Variants in R3HDM1 observed in about 807,000 individuals in gnomAD.
R3HDM1 encodes R3H domain containing 1.
In R3HDM1, 46 loss-of-function variants were observed where a neutral mutation model predicts 141.1. That is an observed-to-expected ratio of 0.33 (90% CI 0.26 to 0.42). The LOEUF is 0.42. Among genes scored for constraint, R3HDM1 ranks in the 10% least tolerant of loss-of-function variants. The pLI, the probability that R3HDM1 is intolerant of heterozygous loss-of-function variation, is 1.00. For missense variants in R3HDM1, 1,184 were observed against 1,368.3 expected (o/e 0.87, Z 2.12); for synonymous variants, 435 against 472.9 (o/e 0.92, Z 1.04).
In R3HDM1 at chr2:135,621,511, G is replaced by C. The variant is rs2061508740; in HGVS notation, c.321G>C (p.Gln107His). The C allele has an allele frequency of 6.3e-7, 1 of 1,588,504 alleles. No homozygotes were observed. Among genetic ancestry groups the C allele is most frequent in the Non-Finnish European group, 8.6e-7 (1 of 1,169,122 alleles). The change falls in exon 6 of 27, where the codon CAG (glutamine) becomes CAC (histidine). Residue 107 changes from glutamine to histidine, a missense_variant. Gln to His is a conservative substitution (Grantham distance 24). This residue lies in a region of R3HDM1 where 192 missense variants were observed against 215.7 expected (regional missense o/e 0.89). Coordinates refer to ENST00000683871, the MANE Select transcript of R3HDM1 (RefSeq NM_001378107.1). ...TCCAACAGGAGAAAATTCAGATCCA[G>C]TTAACACAATCATTTGAGAAAGAAG... ...SQENQEKIQI[Q>H]LTQSFEKEEK...
chr2:135,596,382 A>G (rs1036948826), intron 1 of R3HDM1, among the ~76,000 whole-genome samples: 2 of 152,200 alleles, frequency 1.3e-5, no homozygotes, highest in East Asian at 3.8e-4. Context: ...TTAATGAAAA[A>G]TGTCATAAAC....
intron 1 of R3HDM1, chr2:135,550,231 TAAAGC>T: frequency 1.0e-6 from 1 of 983,598 alleles, no homozygotes; most frequent in Non-Finnish European, 1.2e-6. Context: ...TTTTGAAAAT[TAAAGC>T]AAAGAAAGGG....
At chr2:135,680,385 G>T in intron 21 of R3HDM1, 61 bp downstream of exon 21, 1 of 1,572,060 alleles carries the variant, frequency 6.4e-7, no homozygotes, top group Non-Finnish European at 8.7e-7. Context: ...ATTATGGTCT[G>T]TTGCTAGTTT....
intron 1 of R3HDM1, among the ~76,000 whole-genome samples, chr2:135,585,759 C>T (rs752474164): frequency 2.2e-4 from 34 of 152,196 alleles, no homozygotes; most frequent in Non-Finnish European, 4.9e-4. Flanking sequence ...GAATTGTCCT[C>T]GGATCACAGT....
chr2:135,624,852 T>G (rs952898627), intron 7 of R3HDM1, among the ~76,000 whole-genome samples: 2 of 152,118 alleles, frequency 1.3e-5, no homozygotes, highest in Non-Finnish European at 2.9e-5. Flanking sequence ...TTAGGAAGTA[T>G]CATGGCAGGA....
chr2:135,591,630 A>T (rs1425271428), intron 1 of R3HDM1, among the ~76,000 whole-genome samples: 1 of 152,220 alleles, frequency 6.6e-6, no homozygotes, highest in East Asian at 1.9e-4. Flanking sequence ...AGACTAAGTT[A>T]TGCACCCACA....
intron 21 of R3HDM1, among the ~76,000 whole-genome samples, chr2:135,693,291 C>T (rs993155274): frequency 4.6e-5 from 7 of 151,946 alleles, no homozygotes; most frequent in African/African-American, 1.7e-4. Context: ...AATACAGAAG[C>T]AAGCAGTGGT....
chr2:135,556,695 T>C (rs536016275), intron 1 of R3HDM1, among the ~76,000 whole-genome samples: 69 of 152,150 alleles, frequency 4.5e-4, no homozygotes, highest in Middle Eastern at 3.4e-3. Flanking sequence ...ATTTTTTGTA[T>C]TTTTAGTAGA....
intron 1 of R3HDM1, chr2:135,597,256 G>C (rs2059269435): frequency 1.0e-6 from 1 of 978,428 alleles, no homozygotes. Flanking sequence ...AACTCTTTTA[G>C]GTCAAGGGAG....
chr2:135,678,760 T>G (rs2105349895), intron 20 of R3HDM1, among the ~76,000 whole-genome samples: 1 of 77,168 alleles, frequency 1.3e-5, no homozygotes, highest in East Asian at 2.1e-3. Context: ...TGGCTTGCTT[T>G]TTTTTTTTTT....
chr2:135,659,943 A>G (rs1306419407), intron 18 of R3HDM1, among the ~76,000 whole-genome samples: 2 of 152,158 alleles, frequency 1.3e-5, no homozygotes, highest in African/African-American at 4.8e-5. Context: ...CTCCTTTATA[A>G]TCTTAGGGGG....
At position 135,602,083 on chromosome 2, in the gene R3HDM1, C is replaced by T. The variant is rs183570275; in HGVS notation, c.-249-417C>T. Among the ~76,000 whole-genome samples the T allele has an allele frequency of 3.0e-3, 443 of 149,922 alleles. 1 individual carries two copies. The highest frequency in any genetic ancestry group is 9.6e-3 in the African/African-American group (390 of 40,662). On this transcript the variant is annotated intron_variant, in intron 1 of 26. Coordinates refer to ENST00000683871, the MANE Select transcript of R3HDM1 (RefSeq NM_001378107.1). The stretch of plus-strand genomic sequence containing the variant: ...TTTTTAAAAATCTAGAATGTTATTA[C>T]GGTTCAAAATTACAGTCTTAAGTCC...
intron 18 of R3HDM1, among the ~76,000 whole-genome samples, chr2:135,653,386 T>C (rs2065376630): frequency 6.6e-6 from 1 of 152,130 alleles, no homozygotes; most frequent in Non-Finnish European, 1.5e-5. Flanking sequence ...TTAATTTTTA[T>C]GATTTTATTT....
At chr2:135,603,953 T>C (rs2059835021) in intron 2 of R3HDM1, among the ~76,000 whole-genome samples, 1 of 152,218 alleles carries the variant, frequency 6.6e-6, no homozygotes, top group African/African-American at 2.4e-5. Flanking sequence ...AAATGAGTGC[T>C]ATCTTTAGCT....
In R3HDM1 at chr2:135,684,184, A is replaced by G. The variant is rs574403746; in HGVS notation, c.2459+3860A>G. ...CAGCTCACTGCAAGCTTCACCTCCC[A>G]GGTTCACGCCATTCTCCTGTCTCAG... On this transcript the variant is annotated intron_variant, in intron 21 of 26. Coordinates refer to ENST00000683871, the MANE Select transcript of R3HDM1 (RefSeq NM_001378107.1). Among the ~76,000 whole-genome samples the G allele has an allele frequency of 7.9e-5, 12 of 152,172 alleles. 1 individual carries two copies. The highest frequency in any genetic ancestry group is 2.9e-4 in the African/African-American group (12 of 41,502).
At chr2:135,616,618 A>G (rs1345245689) in intron 4 of R3HDM1, 50 bp from the exon 5 acceptor site, 1 of 1,422,084 alleles carries the variant, frequency 7.0e-7, no homozygotes, top group Middle Eastern at 1.8e-4. Context: ...GCTTTTGGAT[A>G]TGCCCTAGAT....
At chr2:135,605,460 G>A (rs2059969596) in intron 3 of R3HDM1, 1 of 156,734 alleles carries the variant, frequency 6.4e-6, no homozygotes, top group African/African-American at 2.4e-5. Flanking sequence ...GGGCCCGGGG[G>A]AAGTTAATGC....
chr2:135,594,978 C>CG (rs1553550339), intron 1 of R3HDM1, among the ~76,000 whole-genome samples: 7 of 83,668 alleles, frequency 8.4e-5, no homozygotes, highest in Admixed American at 6.9e-4. Context: ...GGATTCTACA[C>CG]CCCCCCCCCT....
Position 135,631,946 on chromosome 2 carries a change from A to T in R3HDM1, c.643A>T (p.Asn215Tyr), listed in dbSNP as rs765479639. ...RVAAYFGLDH[N>Y]VDQSGKSVIV... is the part of the protein sequence containing the mutation. ...AGCCGCTTACTTTGGATTAGACCAC[A>T]ATGTTGATCAGAGTGGGAAGTCTGT... Residue 215 changes from asparagine (N) to tyrosine (Y), a missense_variant, in exon 9 of 27, where the codon AAT (asparagine) becomes TAT (tyrosine). This residue lies in a region of R3HDM1 where 240 missense variants were observed against 312.3 expected (regional missense o/e 0.77). Transcript: ENST00000683871. 6.2e-7 allele frequency: 1 copy of T among 1,612,530 alleles called. No individual in the cohort carries two copies. Among genetic ancestry groups the T allele is most frequent in the Non-Finnish European group, 8.5e-7 (1 of 1,178,804 alleles).
Sources: gnomAD v4.1 joint callset for allele counts (sites outside exome capture counted in the v4.1 genomes callset) on GRCh38, gnomAD v4.1.1 for gene constraint, gnomAD v4.1.1 regional missense constraint, MANE v1.5 for transcripts, NCBI Gene and HGNC (gene_info 2026-07-23, HGNC 2026-07-21) for gene names.